FARP2: variants seen among roughly 807,000 people sequenced by gnomAD.
The protein encoded by FARP2 is FERM, ARH/RhoGEF and pleckstrin domain protein 2.
FARP2 carries 111 observed loss-of-function variants against 130.5 expected under a neutral mutation model. The ratio of observed to expected loss-of-function variants is 0.85; its 90% CI spans 0.73 to 1.00. The LOEUF (loss-of-function observed/expected upper bound fraction) is 1.00, where lower values mean the gene tolerates loss of function less well. Among genes scored for constraint, FARP2 ranks in the 50% least tolerant of loss-of-function variants. FARP2 has a pLI of 0.00. For synonymous variants in FARP2, 504 were observed against 516.9 expected (o/e 0.98, Z 0.34); for missense variants, 1,385 against 1,346.3 (o/e 1.03, Z -0.45).
At position 241,441,391 on chromosome 2, in the gene FARP2, C is replaced by A. The variant is rs932152981; in HGVS notation, c.1246C>A (p.Pro416Thr). The change falls in exon 13 of 27, where the codon CCC becomes ACC. Residue 416 changes from proline (P) to threonine (T), a missense_variant. Coordinates refer to ENST00000264042, the MANE Select transcript of FARP2 (RefSeq NM_014808.4). ...FYSLSPSTLV[P>T]SGLPEFKDSS... ...CTCGCTCTCTCCCTCCACTCTGGTC[C>A]CCTCTGGCCTGCCAGAGTTTAAGGA... 6.2e-7 allele frequency: 1 copy of A among 1,614,230 alleles called. No individual in the cohort carries two copies. The highest frequency in any genetic ancestry group is 8.5e-7 in the Non-Finnish European group (1 of 1,180,032).
intron 1 of FARP2, among the ~76,000 whole-genome samples, chr2:241,358,621 C>T (rs1231200930): frequency 1.3e-5 from 2 of 152,210 alleles, no homozygotes; most frequent in African/African-American, 4.8e-5. Context: ...TTCATATCAG[C>T]TTGCCAGCTT....
intron 13 of FARP2, among the ~76,000 whole-genome samples, chr2:241,454,745 C>A (rs2063786353): frequency 6.6e-6 from 1 of 152,182 alleles, no homozygotes; most frequent in South Asian, 2.1e-4. Context: ...AAAGCAAATT[C>A]TAATAAATTT....
intron 8 of FARP2, among the ~76,000 whole-genome samples, chr2:241,421,989 C>T (rs973196386): frequency 6.6e-5 from 10 of 151,652 alleles, no homozygotes; most frequent in East Asian, 1.9e-4. Context: ...ACTAAAAATA[C>T]GAAAATTAGC....
At chr2:241,485,982 G>A (rs1021001996) in intron 21 of FARP2, among the ~76,000 whole-genome samples, 1 of 152,222 alleles carries the variant, frequency 6.6e-6, no homozygotes, top group Non-Finnish European at 1.5e-5. Flanking sequence ...AAAACCCTCA[G>A]GCAGGTGTTT....
intron 1 of FARP2, among the ~76,000 whole-genome samples, chr2:241,365,291 C>T (rs2061279259): frequency 6.6e-6 from 1 of 152,168 alleles, no homozygotes. Context: ...TCCACTGATC[C>T]CCAACTCGTT....
chr2:241,359,241 C>G (rs1053454734), intron 1 of FARP2, among the ~76,000 whole-genome samples: 3 of 152,168 alleles, frequency 2.0e-5, no homozygotes, highest in Non-Finnish European at 2.9e-5. Context: ...TTCCCCTAAA[C>G]TGGTGTTTTA....
At chr2:241,370,982 G>A (rs1347223837) in intron 1 of FARP2, among the ~76,000 whole-genome samples, 1 of 152,192 alleles carries the variant, frequency 6.6e-6, no homozygotes, top group Non-Finnish European at 1.5e-5. Context: ...TAGGAATTAG[G>A]ATGGGACCTT....
intron 17 of FARP2, chr2:241,466,086 A>C: frequency 9.0e-7 from 1 of 1,113,546 alleles, no homozygotes; most frequent in Non-Finnish European, 1.1e-6. Flanking sequence ...TTGATATTAA[A>C]ACCCTTTAGC....
chr2:241,369,728 T>C (rs1035460340), intron 1 of FARP2, among the ~76,000 whole-genome samples: 1 of 152,240 alleles, frequency 6.6e-6, no homozygotes, highest in Non-Finnish European at 1.5e-5. Context: ...GTAGCATTAC[T>C]TAAGGGAAAG....
Position 241,491,198 on chromosome 2 carries a change from C to G in FARP2, c.2623+19C>G. On this transcript the variant is annotated intron_variant, in intron 23 of 26. Transcript: ENST00000264042. Reference sequence around the variant, plus strand: ...CCCCCCAGTGAGTGCTGGCCACAACCCCCCAGGAGACCTCCACTACACCTA... The same window carrying G: ...CCCCCCAGTGAGTGCTGGCCACAACGCCCCAGGAGACCTCCACTACACCTA... The G allele has an allele frequency of 6.4e-7, 1 of 1,557,140 alleles. No homozygotes were observed. The highest frequency in any genetic ancestry group is 8.9e-7 in the Non-Finnish European group (1 of 1,129,004).
intron 2 of FARP2, among the ~76,000 whole-genome samples, chr2:241,393,908 G>C (rs763669638): frequency 6.6e-6 from 1 of 152,166 alleles, no homozygotes; most frequent in Non-Finnish European, 1.5e-5. Context: ...TTTTTAACTT[G>C]TATTTTTTAT....
At chr2:241,483,634 T>C in intron 20 of FARP2, 101 bp downstream of exon 20, 1 of 1,356,552 alleles carries the variant, frequency 7.4e-7, no homozygotes, top group Non-Finnish European at 1.0e-6. Context: ...GGCCTCTGGG[T>C]AGTTTAGCAC....
chr2:241,358,867 G>A (rs926295318), intron 1 of FARP2, among the ~76,000 whole-genome samples: 3 of 152,178 alleles, frequency 2.0e-5, no homozygotes, highest in Non-Finnish European at 2.9e-5. Flanking sequence ...TCTGGGGAGC[G>A]TTTAGTTGAC....
At chr2:241,479,219 A>G (rs184331382) in intron 19 of FARP2, among the ~76,000 whole-genome samples, 1 of 152,318 alleles carries the variant, frequency 6.6e-6, no homozygotes, top group East Asian at 1.9e-4. Context: ...GGTGGGTACT[A>G]TCTCTTGAGG....
chr2:241,433,974 T>G (rs1280429790), intron 9 of FARP2, among the ~76,000 whole-genome samples, 184 bp from the exon 10 acceptor site: 3 of 152,054 alleles, frequency 2.0e-5, no homozygotes, highest in Non-Finnish European at 1.5e-5. Context: ...AGGTTGAAGT[T>G]GCAGTGAGCC....
chr2:241,441,550 G>T lies in FARP2; in HGVS notation c.1405G>T (p.Gly469Cys), dbSNP rs769997459. Reference protein sequence around the residue: ...QPLGPPALQPGPGLSTKSPQP... With the variant: ...QPLGPPALQPCPGLSTKSPQP... ...CCTCGGGCCCCCCGCACTCCAGCCT[G>T]GTCCAGGTGTCGGGTTTTGTCATGT... Residue 469 changes from glycine to cysteine, a missense_variant, in exon 13 of 27, where the codon GGT (glycine) becomes TGT (cysteine). Gly to Cys is a radical substitution (Grantham distance 159). Coordinates refer to ENST00000264042, the MANE Select transcript of FARP2 (RefSeq NM_014808.4). 3.7e-6 allele frequency: 6 copies of T among 1,614,064 alleles called. No homozygotes were observed. The East Asian group carries it at 1.3e-4, about 36-fold the overall frequency.
intron 21 of FARP2, 86 bp downstream of exon 21, chr2:241,484,417 AC>A: frequency 9.6e-7 from 1 of 1,037,716 alleles, no homozygotes; most frequent in Non-Finnish European, 1.5e-6. Context: ...GCGAATCCTT[AC>A]CCAGCAACAC....
At chr2:241,476,105 G>T in intron 19 of FARP2, 118 bp downstream of exon 19, 1 of 888,044 alleles carries the variant, frequency 1.1e-6, no homozygotes, top group East Asian at 2.8e-5. Flanking sequence ...AGGCACAGTG[G>T]CTCATACCTG....
intron 1 of FARP2, among the ~76,000 whole-genome samples, chr2:241,367,735 C>T (rs1027389913): frequency 6.6e-6 from 1 of 151,874 alleles, no homozygotes. Context: ...AGCCTCTACC[C>T]GTTACTGTGG....
Sources: gnomAD v4.1 joint callset for allele counts (sites outside exome capture counted in the v4.1 genomes callset) on GRCh38, gnomAD v4.1.1 for gene constraint, MANE v1.5 for transcripts, NCBI Gene and HGNC (gene_info 2026-07-23, HGNC 2026-07-21) for gene names.